Variants in DLGAP2 observed in about 807,000 individuals in gnomAD.
DLGAP2 encodes DLG associated protein 2, also known as disks large-associated protein 2.
In DLGAP2, 26 loss-of-function variants were observed where a neutral mutation model predicts 100.3. That is an observed-to-expected ratio of 0.26 (90% CI 0.19 to 0.36). The LOEUF is 0.36. DLGAP2 is among the 10% of genes least tolerant of loss of function. The probability of loss-of-function intolerance (pLI) is 1.00; values close to 1 mark genes in which losing one functional copy is unlikely to be tolerated. For synonymous variants in DLGAP2, 886 were observed against 630.1 expected (o/e 1.41, Z -6.08); for missense variants, 1,858 against 1,453.2 (o/e 1.28, Z -4.53).
intron 2 of DLGAP2, among the ~76,000 whole-genome samples, chr8:1,200,144 C>T (rs1797839006): frequency 6.6e-6 from 1 of 152,080 alleles, no homozygotes; most frequent in Admixed American, 6.5e-5. Context: ...TGCACAGGCC[C>T]ACAGGAGAGG....
chr8:816,666 T>G (rs1459783908), intron 1 of DLGAP2, among the ~76,000 whole-genome samples: 1 of 152,208 alleles, frequency 6.6e-6, no homozygotes, highest in Non-Finnish European at 1.5e-5. Context: ...TCCTTTGTCT[T>G]GACTTTGGAT....
chr8:1,128,678 T>C (rs1396733642), intron 2 of DLGAP2, among the ~76,000 whole-genome samples: 3 of 152,246 alleles, frequency 2.0e-5, no homozygotes, highest in South Asian at 2.1e-4. Context: ...TTAAGAGATA[T>C]GAGATTGATT....
At chr8:856,913 G>C (rs1049373129) in intron 1 of DLGAP2, among the ~76,000 whole-genome samples, 2 of 152,232 alleles carry the variant, frequency 1.3e-5, no homozygotes, top group Non-Finnish European at 2.9e-5. Context: ...ACCCAGACAA[G>C]TTAACACAGT....
At chr8:1,315,041 C>A (rs569893593) in intron 3 of DLGAP2, among the ~76,000 whole-genome samples, 2 of 152,300 alleles carry the variant, frequency 1.3e-5, no homozygotes, top group African/African-American at 2.4e-5. Flanking sequence ...CGCTCCGTGG[C>A]GGTGGTTTTC....
chr8:1,506,460 T>C (rs2130347720), intron 4 of DLGAP2, among the ~76,000 whole-genome samples: 1 of 152,332 alleles, frequency 6.6e-6, no homozygotes, highest in Non-Finnish European at 1.5e-5. Flanking sequence ...GTTTGTGGTC[T>C]CAATGGCCTC....
intron 5 of DLGAP2, among the ~76,000 whole-genome samples, chr8:1,554,820 G>A (rs1490419645): frequency 6.6e-6 from 1 of 151,778 alleles, no homozygotes; most frequent in East Asian, 1.9e-4. Context: ...ACCAGTTCAG[G>A]AAGGCTGGCG....
intron 3 of DLGAP2, among the ~76,000 whole-genome samples, chr8:1,325,674 C>A (rs921232157): frequency 6.6e-6 from 1 of 152,206 alleles, no homozygotes. Flanking sequence ...TGGCGGGGTT[C>A]TCATTATTCC....
chr8:1,020,675 G>A (rs944036251), intron 2 of DLGAP2, among the ~76,000 whole-genome samples: 1 of 152,210 alleles, frequency 6.6e-6, no homozygotes, highest in Admixed American at 6.5e-5. Flanking sequence ...GACTCACTGA[G>A]TAAGGGGAAC....
chr8:868,554 T>A (rs749349528), intron 1 of DLGAP2, among the ~76,000 whole-genome samples: 4 of 152,200 alleles, frequency 2.6e-5, no homozygotes, highest in Admixed American at 6.5e-5. Context: ...CGGTGATGTG[T>A]CACTAATCCA....
chr8:1,025,969 C>G (rs1201820303), intron 2 of DLGAP2, among the ~76,000 whole-genome samples: 1 of 152,218 alleles, frequency 6.6e-6, no homozygotes, highest in Non-Finnish European at 1.5e-5. Context: ...CATCTGGGCT[C>G]CAGCAGCAGG....
intron 1 of DLGAP2, among the ~76,000 whole-genome samples, chr8:898,410 G>A (rs1476304123): frequency 6.6e-6 from 1 of 152,200 alleles, no homozygotes; most frequent in Admixed American, 6.5e-5. Flanking sequence ...GTCATTGGCC[G>A]GGGCAGCGAT....
At chr8:1,584,669 T>C (rs1166817375) in intron 6 of DLGAP2, among the ~76,000 whole-genome samples, 2 of 152,156 alleles carry the variant, frequency 1.3e-5, no homozygotes, top group Non-Finnish European at 1.5e-5. Flanking sequence ...CATCTGGGCA[T>C]GAGGTGAGGA....
intron 3 of DLGAP2, among the ~76,000 whole-genome samples, chr8:1,495,435 C>T (rs1320472518): frequency 4.6e-5 from 7 of 152,196 alleles, no homozygotes; most frequent in African/African-American, 1.4e-4. Flanking sequence ...TGCTCTGAGC[C>T]GGAGACTGAG....
chr8:1,447,712 G>T (rs561550252), intron 3 of DLGAP2, among the ~76,000 whole-genome samples: 6 of 152,138 alleles, frequency 3.9e-5, no homozygotes, highest in African/African-American at 1.4e-4. Flanking sequence ...AATCCATTTG[G>T]TCCTGGACTT....
chr8:1,183,206 G>A (rs1221903960), intron 2 of DLGAP2, among the ~76,000 whole-genome samples: 1 of 152,274 alleles, frequency 6.6e-6, no homozygotes, highest in South Asian at 2.1e-4. Context: ...AGGGCGTCTC[G>A]GAGCGGGGTC....
chr8:1,197,481 C>T (rs549698268), intron 2 of DLGAP2, among the ~76,000 whole-genome samples: 7 of 152,358 alleles, frequency 4.6e-5, no homozygotes, highest in Non-Finnish European at 2.9e-5. Flanking sequence ...TGTTTATGTT[C>T]CATAAAGCTA....
At chr8:1,271,414 G>C (rs1043182014) in intron 3 of DLGAP2, among the ~76,000 whole-genome samples, 1 of 152,166 alleles carries the variant, frequency 6.6e-6, no homozygotes, top group African/African-American at 2.4e-5. Flanking sequence ...TTATTCTGGA[G>C]ACTTGACTTT....
Position 1,194,344 on chromosome 8 carries a change from C to T in DLGAP2, c.74-64507C>T, listed in dbSNP as rs532878383. Among the ~76,000 whole-genome samples the T allele has an allele frequency of 7.7e-3, 1,176 of 152,160 alleles. 19 individuals are homozygous for T. Among genetic ancestry groups the T allele is most frequent in the African/African-American group, 0.026 (1,100 of 41,524 alleles). The stretch of plus-strand genomic sequence containing the variant: ...CCGGCTGGTGGAGGGAGCCCGGATG[C>T]CTGGCAGACAGTCAGTGGTCGGTTG... On this transcript the variant is annotated intron_variant, in intron 2 of 14. Transcript: ENST00000637795.
In DLGAP2 at chr8:1,054,280, GCA is replaced by G. The variant is rs369833010; in HGVS notation, c.73+146326_73+146327del. ...CACACGCACACACACGGACACACAC[GCA>G]CACACACACACCATCCATGCATAAA... On this transcript the variant is annotated intron_variant, in intron 2 of 14. Coordinates refer to ENST00000637795, the MANE Select transcript of DLGAP2 (RefSeq NM_001346810.2). 5.3e-4 allele frequency among the ~76,000 whole-genome samples: 80 copies of G among 151,406 alleles called. 1 individual carries two copies. The South Asian group carries it at 0.015, about 28-fold the overall frequency.
Sources: allele counts gnomAD v4.1 joint callset (sites outside exome capture counted in the v4.1 genomes callset), GRCh38; gene constraint gnomAD v4.1.1; transcripts MANE v1.5; gene names NCBI Gene and HGNC (gene_info 2026-07-23, HGNC 2026-07-21).